The following ZNF722 variants were observed in gnomAD, a reference collection of about 807,000 sequenced individuals.
ZNF722 encodes the protein zinc finger protein 479 pseudogene.
chr7:63,999,388 C>A, the ZNF722 span, among the ~76,000 whole-genome samples: 1 of 152,078 alleles, frequency 6.6e-6, no homozygotes, highest in Non-Finnish European at 1.5e-5. Context: ...ACCATTTTTC[C>A]TTTTAGAGGT....
chr7:64,016,510 G>A, the ZNF722 span, among the ~76,000 whole-genome samples: 1 of 152,088 alleles, frequency 6.6e-6, no homozygotes, highest in African/African-American at 2.4e-5. Flanking sequence ...TCATTCTAGA[G>A]AGAAATCCTA....
the ZNF722 span, among the ~76,000 whole-genome samples, chr7:64,000,273 G>GACATT: frequency 6.6e-6 from 1 of 150,960 alleles, no homozygotes; most frequent in Non-Finnish European, 1.5e-5. Flanking sequence ...TGGGATTACA[G>GACATT]GCATGCGTCA....
At chr7:64,008,165 T>G in the ZNF722 span, among the ~76,000 whole-genome samples, 1 of 152,210 alleles carries the variant, frequency 6.6e-6, no homozygotes, top group Admixed American at 6.5e-5. Context: ...ATGGGTAGAT[T>G]GCAAAAATTT....
the ZNF722 span, among the ~76,000 whole-genome samples, chr7:64,016,973 C>T: frequency 6.6e-6 from 1 of 152,148 alleles, no homozygotes; most frequent in African/African-American, 2.4e-5. Context: ...AATAAATTCT[C>T]ACACCTTATG....
chr7:64,004,239 GA>G, the ZNF722 span, among the ~76,000 whole-genome samples: 1,143 of 135,952 alleles, frequency 8.4e-3, 10 homozygotes, highest in African/African-American at 0.025. Context: ...CGTCTCTACG[GA>G]AAAAAAAAAA....
the ZNF722 span, among the ~76,000 whole-genome samples, chr7:64,006,627 A>G: frequency 6.6e-6 from 1 of 152,296 alleles, no homozygotes; most frequent in South Asian, 2.1e-4. Context: ...GGACACACTA[A>G]TATTTGCATA....
chr7:64,005,464 C>G, the ZNF722 span: 1 of 516,322 alleles, frequency 1.9e-6, no homozygotes, highest in South Asian at 3.8e-5. Flanking sequence ...TAAAAATTAT[C>G]TTATCGAATA....
At chr7:64,015,124 A>G in the ZNF722 span, 3 of 1,431,016 alleles carry the variant, frequency 2.1e-6, no homozygotes, top group Non-Finnish European at 3.0e-6. Context: ...AAATGTGGAC[A>G]TGAGAATTTA....
At chr7:64,008,427 A>G in the ZNF722 span, among the ~76,000 whole-genome samples, 6 of 152,080 alleles carry the variant, frequency 3.9e-5, no homozygotes, top group African/African-American at 1.2e-4. Context: ...TGTATAAGGT[A>G]TAAGGAAGGA....
the ZNF722 span, chr7:64,006,178 A>C: frequency 1.9e-6 from 2 of 1,049,832 alleles, no homozygotes; most frequent in African/African-American, 3.3e-5. Context: ...TTGGTAATTA[A>C]AGAATTCAGC....
the ZNF722 span, among the ~76,000 whole-genome samples, chr7:64,004,424 AAAT>A: frequency 9.9e-5 from 9 of 90,712 alleles, no homozygotes; most frequent in African/African-American, 3.2e-4. Flanking sequence ...AAAAAAAAAA[AAAT>A]ATATATATAT....
At chr7:64,002,174 C>T in the ZNF722 span, among the ~76,000 whole-genome samples, 1 of 152,144 alleles carries the variant, frequency 6.6e-6, no homozygotes, top group Non-Finnish European at 1.5e-5. Flanking sequence ...AGCCACAGCA[C>T]CCAGCTCCTT....
the ZNF722 span, among the ~76,000 whole-genome samples, chr7:64,010,963 TTC>T: frequency 6.6e-6 from 1 of 152,248 alleles, no homozygotes; most frequent in Admixed American, 6.5e-5. Context: ...TAGTTAGCTC[TTC>T]TTGTTGCATT....
chr7:64,004,410 T>TA, the ZNF722 span, among the ~76,000 whole-genome samples: 1,087 of 35,180 alleles, frequency 0.031, 33 homozygotes, highest in East Asian at 0.076. Flanking sequence ...CTCTGTCTCT[T>TA]AAAAAAAAAA....
the ZNF722 span, among the ~76,000 whole-genome samples, chr7:64,007,402 C>T: frequency 6.6e-6 from 1 of 151,980 alleles, no homozygotes; most frequent in Non-Finnish European, 1.5e-5. Flanking sequence ...TCCCCCAACT[C>T]CACGACAGGC....
At chr7:63,999,515 C>T in the ZNF722 span, among the ~76,000 whole-genome samples, 2 of 152,098 alleles carry the variant, frequency 1.3e-5, no homozygotes, top group Admixed American at 6.6e-5. Context: ...GAAGGAAATT[C>T]TGTTATAAGT....
the ZNF722 span, chr7:64,016,076 T>TA: frequency 2.9e-5 from 17 of 583,492 alleles, no homozygotes; most frequent in Non-Finnish European, 4.3e-5. Context: ...TTTATAAATG[T>TA]AAAAAAATGT....
the ZNF722 span, among the ~76,000 whole-genome samples, chr7:64,007,230 G>GTGTATATATATATATATATA: frequency 1.9e-4 from 27 of 138,486 alleles, no homozygotes; most frequent in East Asian, 8.2e-4. Context: ...GTTTGTGTGT[G>GTGTATATATATATATATATA]TATATATATA....
the ZNF722 span, chr7:64,015,011 A>AT: frequency 2.1e-5 from 27 of 1,279,176 alleles, no homozygotes; most frequent in Non-Finnish European, 2.8e-5. Context: ...GTAACTTGTG[A>AT]TTTTTATGTC....
Sources: gnomAD v4.1 joint callset for allele counts (sites outside exome capture counted in the v4.1 genomes callset) on GRCh38, gnomAD v4.1.1 for gene constraint, MANE v1.5 for transcripts, NCBI Gene and HGNC (gene_info 2026-07-23, HGNC 2026-07-21) for gene names.